Variants in NDRG2 observed in about 807,000 individuals in gnomAD.
NDRG2 encodes protein NDRG2.
In NDRG2, 34 loss-of-function variants were observed where a neutral mutation model predicts 58.2. That is an observed-to-expected ratio of 0.58 (90% confidence interval 0.44 to 0.78). NDRG2 has a LOEUF of 0.78. Among genes scored for constraint, NDRG2 ranks in the 30% least tolerant of loss-of-function variants. The pLI is 0.00. For synonymous variants in NDRG2, 187 were observed against 175.9 expected (o/e 1.06, Z -0.50); for missense variants, 434 against 471.2 (o/e 0.92, Z 0.73).
chr14:21,020,568 G>A lies in NDRG2; in HGVS notation c.483C>T (p.Asp161=). Reference sequence around the variant, plus strand: ...TGATGAGGACAAGACCTTCAACAGTGTCCGGGTGGTTAAGCTGAGGGACAG... The same window carrying A: ...TGATGAGGACAAGACCTTCAACAGTATCCGGGTGGTTAAGCTGAGGGACAG... ...ILARYALNHP[D]TVEGLVLINI... The change falls in exon 8 of 16, where the codon GAC becomes GAT. Residue 161 remains aspartate (D), a synonymous_variant. Transcript: ENST00000556147. 2 of 1,613,706 alleles carry A rather than the reference G, an allele frequency of 1.2e-6. No individual in the cohort carries two copies. Among genetic ancestry groups the A allele is most frequent in the Non-Finnish European group, 1.7e-6 (2 of 1,179,928 alleles).
chr14:21,061,071 C>G (rs1036589041), intron 1 of NDRG2, among the ~76,000 whole-genome samples: 45 of 152,140 alleles, frequency 3.0e-4, no homozygotes, highest in African/African-American at 1.1e-3. Flanking sequence ...AGAGTACATA[C>G]GAAACTATCA....
Position 21,022,373 on chromosome 14 carries a change from G to T in NDRG2, c.223+19C>A, listed in dbSNP as rs746564994. ...AGCCTCTTCCCAGACAGGAGTGGGA[G>T]ATGAATGAAGGTCCTTACAGTTGAG... On this transcript the variant is annotated intron_variant, in intron 4 of 15. Coordinates refer to ENST00000556147, the MANE Select transcript of NDRG2 (RefSeq NM_001320329.2). 5 of 1,603,168 alleles carry T rather than the reference G, an allele frequency of 3.1e-6. No homozygotes were observed. Among genetic ancestry groups the T allele is most frequent in the Non-Finnish European group, 4.3e-6 (5 of 1,170,336 alleles).
intron 1 of NDRG2, chr14:21,036,050 T>C: frequency 2.6e-6 from 1 of 384,272 alleles, no homozygotes; most frequent in South Asian, 2.0e-5. Context: ...GAGGATCCAT[T>C]AAGATGTATA....
intron 1 of NDRG2, chr14:21,034,393 G>A: frequency 2.5e-6 from 2 of 805,600 alleles, no homozygotes; most frequent in Non-Finnish European, 4.0e-6. Flanking sequence ...CAGTACTTTA[G>A]AGATCATCTC....
chr14:21,026,723 T>C (rs564514952), upstream of NDRG2, among the ~76,000 whole-genome samples: 3 of 152,174 alleles, frequency 2.0e-5, no homozygotes, highest in East Asian at 5.8e-4. Context: ...ACCCAACTTT[T>C]CTTCTGTTCC....
chr14:21,035,291 G>C lies in NDRG2; in HGVS notation c.25-11970C>G, dbSNP rs532914175. 7.2e-4 allele frequency among the ~76,000 whole-genome samples: 109 copies of C among 152,322 alleles called. 1 individual carries two copies. Among genetic ancestry groups the C allele is most frequent in the Admixed American group, 1.8e-3 (28 of 15,298 alleles). On this transcript the variant is annotated intron_variant, in intron 1 of 14. Transcript: ENST00000403829. ...ATGCTGACTCTGAAGCCTCAAACTT[G>C]GCAGTTTGGATTTGAAAGCATAACC...
intron 5 of NDRG2, 64 bp downstream of exon 5, chr14:21,021,998 G>C: frequency 1.2e-6 from 2 of 1,612,366 alleles, no homozygotes; most frequent in Non-Finnish European, 1.7e-6. Flanking sequence ...CTCCCCAGTC[G>C]AACCTTTCCC....
intron 1 of NDRG2, among the ~76,000 whole-genome samples, chr14:21,062,371 C>T (rs1886008143): frequency 1.3e-5 from 2 of 152,174 alleles, no homozygotes; most frequent in South Asian, 4.1e-4. Context: ...ATGCGACTGG[C>T]AGTGGAGCCC....
chr14:21,067,843 T>C (rs1886354377), intron 1 of NDRG2, among the ~76,000 whole-genome samples: 3 of 151,506 alleles, frequency 2.0e-5, no homozygotes. Flanking sequence ...TGCAACCACA[T>C]GTCACTTACT....
chr14:21,033,345 G>A (rs778995306), intron 1 of NDRG2: 11 of 286,120 alleles, frequency 3.8e-5, no homozygotes, highest in Non-Finnish European at 7.5e-5. Flanking sequence ...CCTATAGCTA[G>A]CCATATCCCC....
At chr14:21,054,312 T>C (rs150280322) in intron 1 of NDRG2, among the ~76,000 whole-genome samples, 254 of 144,320 alleles carry the variant, frequency 1.8e-3, no homozygotes, top group Middle Eastern at 3.4e-3. Flanking sequence ...TGTTTTTAGA[T>C]AGATTGATCA....
chr14:21,068,450 C>A (rs1286256239), intron 1 of NDRG2, among the ~76,000 whole-genome samples: 1 of 152,040 alleles, frequency 6.6e-6, no homozygotes, highest in East Asian at 1.9e-4. Context: ...ACCAAGTGTT[C>A]CCTAAACAAT....
At chr14:21,054,495 G>A (rs1164779417) in intron 1 of NDRG2, among the ~76,000 whole-genome samples, 1 of 152,178 alleles carries the variant, frequency 6.6e-6, no homozygotes, top group Non-Finnish European at 1.5e-5. Context: ...GTGCACACAA[G>A]GTGACTCTTA....
chr14:21,060,970 G>A (rs1472488310), intron 1 of NDRG2, among the ~76,000 whole-genome samples: 4 of 152,216 alleles, frequency 2.6e-5, no homozygotes, highest in African/African-American at 7.2e-5. Flanking sequence ...ACACATTACG[G>A]CCTTGGAGGG....
At chr14:21,068,505 G>A (rs1886409322) in intron 1 of NDRG2, among the ~76,000 whole-genome samples, 1 of 152,170 alleles carries the variant, frequency 6.6e-6, no homozygotes, top group Non-Finnish European at 1.5e-5. Context: ...GAAAGGTTCA[G>A]ACACTCTCAA....
At chr14:21,021,037 T>C (rs772569628) in intron 6 of NDRG2, 193 bp from the exon 7 acceptor site, 12 of 689,966 alleles carry the variant, frequency 1.7e-5, no homozygotes, top group Non-Finnish European at 3.2e-5. Context: ...TCAGGGTAGA[T>C]ACCTGAAGTC....
chr14:21,020,679 C>G, intron 7 of NDRG2, 97 bp from the exon 8 acceptor site: 2 of 1,576,626 alleles, frequency 1.3e-6, no homozygotes, highest in Non-Finnish European at 1.7e-6. Context: ...CAGGGCCTGA[C>G]TCCCCACCTA....
At position 21,022,811 on chromosome 14, in the gene NDRG2, T is replaced by G. The variant is rs986388615; in HGVS notation, c.117+53A>C. ...GGCCAAGCAGAGGCCATCCTTCTAC[T>G]GGGGAAGAGGACAGCCCCTCCTCCC... On this transcript the variant is annotated intron_variant, in intron 3 of 15. Coordinates refer to ENST00000556147, the MANE Select transcript of NDRG2 (RefSeq NM_001320329.2). The G allele has an allele frequency of 3.8e-6, 6 of 1,575,166 alleles. No individual in the cohort carries two copies. In the African/African-American group the frequency reaches 8.1e-5, roughly 21 times the overall value.
intron 1 of NDRG2, among the ~76,000 whole-genome samples, chr14:21,038,450 AT>A (rs1264307899): frequency 6.6e-6 from 1 of 152,236 alleles, no homozygotes; most frequent in African/African-American, 2.4e-5. Flanking sequence ...TGCTGTAGGA[AT>A]TTAGAGGTGA....
Sources: allele counts gnomAD v4.1 joint callset (sites outside exome capture counted in the v4.1 genomes callset), GRCh38; gene constraint gnomAD v4.1.1; transcripts MANE v1.5; gene names NCBI Gene and HGNC (gene_info 2026-07-23, HGNC 2026-07-21).